Variants in HS2ST1 observed in about 807,000 individuals in gnomAD.
HS2ST1 encodes heparan sulfate 2-O-sulfotransferase 1.
A neutral mutation model predicts 42.9 loss-of-function variants in HS2ST1; 18 were observed. The ratio of observed to expected loss-of-function variants is 0.42; its 90% CI spans 0.29 to 0.62. HS2ST1 has a LOEUF of 0.62. Ranked by LOEUF, HS2ST1 falls within the 20% of genes least tolerant of loss-of-function variation. The pLI is 0.21. For synonymous variants in HS2ST1, 146 were observed against 152.9 expected (o/e 0.95, Z 0.33); for missense variants, 334 against 433.8 (o/e 0.77, Z 2.04).
chr1:86,999,654 C>A (rs1049229034), intron 1 of HS2ST1, among the ~76,000 whole-genome samples: 23 of 151,312 alleles, frequency 1.5e-4, no homozygotes, highest in Admixed American at 9.3e-4. Flanking sequence ...TTTTCCATAT[C>A]CAAAAAGAAT....
intron 1 of HS2ST1, among the ~76,000 whole-genome samples, chr1:86,999,697 C>A (rs35688602): frequency 0.71 from 108,277 of 151,642 alleles, 40,268 homozygotes; most frequent in East Asian, 0.97. Context: ...ATGCTTTCCC[C>A]CCCAACTTAC....
chr1:86,993,242 GA>G, intron 1 of HS2ST1: 2 of 1,278,318 alleles, frequency 1.6e-6, no homozygotes, highest in South Asian at 3.2e-5. Context: ...ACCATACTTA[GA>G]AATCTAAAAA....
intron 1 of HS2ST1, among the ~76,000 whole-genome samples, chr1:86,957,525 C>T (rs1260174600): frequency 6.6e-6 from 1 of 152,122 alleles, no homozygotes; most frequent in Non-Finnish European, 1.5e-5. Flanking sequence ...TCTCTTTTTA[C>T]TTCCTAATCC....
chr1:86,995,586 A>G (rs774121535), intron 1 of HS2ST1, among the ~76,000 whole-genome samples: 7 of 152,100 alleles, frequency 4.6e-5, no homozygotes, highest in Non-Finnish European at 7.4e-5. Context: ...TCTTTTTTCT[A>G]TGCATAAGAA....
At chr1:87,103,991 T>C (rs1557547483) in intron 6 of HS2ST1, among the ~76,000 whole-genome samples, 1 of 152,202 alleles carries the variant, frequency 6.6e-6, no homozygotes, top group Non-Finnish European at 1.5e-5. Context: ...AAGCTAATTG[T>C]GTTTTTGTTT....
chr1:86,996,537 G>T (rs1649109112), intron 1 of HS2ST1, among the ~76,000 whole-genome samples: 1 of 151,864 alleles, frequency 6.6e-6, no homozygotes, highest in Non-Finnish European at 1.5e-5. Flanking sequence ...ATCTTGGCTG[G>T]AGATGGTCCA....
intron 1 of HS2ST1, among the ~76,000 whole-genome samples, chr1:87,013,548 C>T (rs1649663711): frequency 1.3e-5 from 2 of 152,242 alleles, no homozygotes; most frequent in Non-Finnish European, 2.9e-5. Context: ...GAAGACATGT[C>T]ATGCCCTGGA....
At chr1:87,064,573 T>C (rs1315060740) in intron 1 of HS2ST1, 1 of 514,748 alleles carries the variant, frequency 1.9e-6, no homozygotes, top group Non-Finnish European at 3.9e-6. Context: ...AGAAAGCATT[T>C]GTCAGTGTTC....
chr1:86,956,574 T>C (rs1227931779), intron 1 of HS2ST1: 1 of 152,190 alleles, frequency 6.6e-6, no homozygotes, highest in Non-Finnish European at 1.5e-5. Flanking sequence ...TGGTGAGAGG[T>C]ACTTTTTTTC....
chr1:86,977,388 G>GA (rs1414802971), intron 1 of HS2ST1, among the ~76,000 whole-genome samples: 1 of 152,210 alleles, frequency 6.6e-6, no homozygotes, highest in African/African-American at 2.4e-5. Flanking sequence ...GGAGTGAGAA[G>GA]ATTTGCACCA....
At chr1:86,962,204 G>C (rs10782587) in intron 1 of HS2ST1, among the ~76,000 whole-genome samples, 111,665 of 152,024 alleles carry the variant, frequency 0.73, 42,034 homozygotes, top group East Asian at 0.97. Flanking sequence ...GATAAATTAA[G>C]CATGATCCTT....
chr1:86,995,586 A>C (rs774121535), intron 1 of HS2ST1, among the ~76,000 whole-genome samples: 11 of 152,100 alleles, frequency 7.2e-5, no homozygotes, highest in Admixed American at 2.0e-4. Flanking sequence ...TCTTTTTTCT[A>C]TGCATAAGAA....
intron 1 of HS2ST1, among the ~76,000 whole-genome samples, chr1:86,949,442 G>C (rs1425098875): frequency 6.6e-6 from 1 of 151,872 alleles, no homozygotes; most frequent in Non-Finnish European, 1.5e-5. Flanking sequence ...TATATTTTTT[G>C]GCCATACATC....
chr1:86,969,852 G>A (rs1648177844), intron 1 of HS2ST1, among the ~76,000 whole-genome samples: 1 of 152,100 alleles, frequency 6.6e-6, no homozygotes, highest in African/African-American at 2.4e-5. Context: ...GGGGCCGGGT[G>A]CGGTGGCTCA....
chr1:86,982,050 G>A (rs1648610268), intron 1 of HS2ST1, among the ~76,000 whole-genome samples: 1 of 152,228 alleles, frequency 6.6e-6, no homozygotes, highest in Non-Finnish European at 1.5e-5. Flanking sequence ...TGCACCCACA[G>A]GCCCAACACC....
At chr1:87,072,504 T>C (rs1333750647) in intron 1 of HS2ST1, among the ~76,000 whole-genome samples, 1 of 152,192 alleles carries the variant, frequency 6.6e-6, no homozygotes, top group Non-Finnish European at 1.5e-5. Context: ...AATCTTTGTG[T>C]GTTTGAGAAT....
intron 1 of HS2ST1, among the ~76,000 whole-genome samples, chr1:86,952,269 G>A (rs528966297): frequency 3.9e-5 from 6 of 152,212 alleles, no homozygotes; most frequent in African/African-American, 7.2e-5. Flanking sequence ...ATAGAATCTC[G>A]CTGTGTTGCC....
chr1:87,014,019 A>G (rs1266076477), intron 1 of HS2ST1, among the ~76,000 whole-genome samples: 1 of 152,164 alleles, frequency 6.6e-6, no homozygotes, highest in Non-Finnish European at 1.5e-5. Context: ...GGAAGTTCCA[A>G]ACTTTCCCAC....
chr1:87,097,662 G>C (rs572722193), intron 4 of HS2ST1, among the ~76,000 whole-genome samples, 176 bp from the exon 5 acceptor site: 2 of 152,276 alleles, frequency 1.3e-5, no homozygotes, highest in South Asian at 4.1e-4. Context: ...AAAGTGCTGG[G>C]ATTAAAGGTG....
Sources: gnomAD v4.1 joint callset for allele counts (sites outside exome capture counted in the v4.1 genomes callset) on GRCh38, gnomAD v4.1.1 for gene constraint, MANE v1.5 for transcripts, NCBI Gene and HGNC (gene_info 2026-07-23, HGNC 2026-07-21) for gene names.